The following KCNK13 variants were observed in gnomAD, a reference collection of about 807,000 sequenced individuals.
KCNK13 encodes potassium two pore domain channel subfamily K member 13, also known as potassium channel subfamily K member 13.
KCNK13 carries 12 observed loss-of-function variants against 23.4 expected under a neutral mutation model. The observed-to-expected ratio is 0.51, with a 90% CI of 0.33 to 0.83. The LOEUF is 0.83. Ranked by LOEUF, KCNK13 falls within the 40% of genes least tolerant of loss-of-function variation. KCNK13 has a pLI of 0.02. For synonymous variants in KCNK13, 231 were observed against 229.5 expected (o/e 1.01, Z -0.06); for missense variants, 463 against 556.3 (o/e 0.83, Z 1.69).
At chr14:90,163,264 A>G (rs1890269911) in intron 1 of KCNK13, among the ~76,000 whole-genome samples, 1 of 152,230 alleles carries the variant, frequency 6.6e-6, no homozygotes, top group Non-Finnish European at 1.5e-5. Flanking sequence ...GAGTCACAGA[A>G]CAATCCTTAA....
chr14:90,146,961 A>G (rs556958018), intron 1 of KCNK13, among the ~76,000 whole-genome samples: 119 of 152,110 alleles, frequency 7.8e-4, no homozygotes, highest in African/African-American at 2.7e-3. Context: ...TTATTCAGTA[A>G]CCATTAAAGG....
At chr14:90,087,139 TATATATATATATA>T (rs1349024153) in intron 1 of KCNK13, among the ~76,000 whole-genome samples, 5 of 112,986 alleles carry the variant, frequency 4.4e-5, no homozygotes, top group African/African-American at 1.8e-4. Context: ...CATATATATA[TATATATATATATA>T]TATTTTTTTT....
intron 1 of KCNK13, among the ~76,000 whole-genome samples, chr14:90,131,904 A>G (rs1158595599): frequency 6.6e-6 from 1 of 152,246 alleles, no homozygotes; most frequent in Non-Finnish European, 1.5e-5. Context: ...CAGAGTTACC[A>G]TAGGATCCAG....
At position 90,148,398 on chromosome 14, in the gene KCNK13, C is replaced by G. The variant is rs145751021; in HGVS notation, c.335-35713C>G. On this transcript the variant is annotated intron_variant, in intron 1 of 1. Transcript: ENST00000282146. ...GCCTTCAAGGGCCTTACTGGCCCAT[C>G]ATGGCCCAGAAGGGGAGAATAACCT... Among the ~76,000 whole-genome samples, 183 of 152,360 alleles carry G rather than the reference C, an allele frequency of 1.2e-3. 2 individuals are homozygous for G. In the South Asian group the frequency reaches 0.017, roughly 14 times the overall value.
chr14:90,099,356 T>C (rs1036840213), intron 1 of KCNK13, among the ~76,000 whole-genome samples: 3 of 152,138 alleles, frequency 2.0e-5, no homozygotes, highest in Non-Finnish European at 4.4e-5. Flanking sequence ...TCACCTTTAT[T>C]CAAGATACCC....
chr14:90,101,776 T>TGA (rs1386340838), intron 1 of KCNK13, among the ~76,000 whole-genome samples: 5 of 52,858 alleles, frequency 9.5e-5, no homozygotes, highest in African/African-American at 3.0e-4. Context: ...GGCAACAGAG[T>TGA]GAGACTCCGT....
intron 1 of KCNK13, among the ~76,000 whole-genome samples, chr14:90,074,657 T>G (rs562954178): frequency 6.6e-6 from 1 of 152,346 alleles, no homozygotes; most frequent in East Asian, 1.9e-4. Context: ...TTGTTGTTTC[T>G]GTATATCCTG....
intron 1 of KCNK13, among the ~76,000 whole-genome samples, chr14:90,092,169 G>A (rs932272538): frequency 5.9e-5 from 9 of 152,086 alleles, no homozygotes; most frequent in African/African-American, 1.7e-4. Flanking sequence ...TGATCTGCCC[G>A]CCTTGGCCTC....
intron 1 of KCNK13, among the ~76,000 whole-genome samples, chr14:90,076,051 G>T (rs1889130681): frequency 6.6e-6 from 1 of 152,178 alleles, no homozygotes; most frequent in Non-Finnish European, 1.5e-5. Context: ...TTTCTTCTGT[G>T]TTTTCTGTCT....
intron 1 of KCNK13, among the ~76,000 whole-genome samples, chr14:90,182,833 A>AAG (rs1259230207): frequency 1.3e-5 from 2 of 152,060 alleles, no homozygotes; most frequent in African/African-American, 2.4e-5. Flanking sequence ...TTTAAAAAAA[A>AAG]AAAAAAAGAG....
At chr14:90,082,901 G>A (rs56266889) in intron 1 of KCNK13, among the ~76,000 whole-genome samples, 20,241 of 152,028 alleles carry the variant, frequency 0.13, 1,624 homozygotes, top group South Asian at 0.26. Flanking sequence ...TATTCCCACC[G>A]ACAGTGTACA....
chr14:90,159,452 T>C (rs1332701351), intron 1 of KCNK13, among the ~76,000 whole-genome samples: 7 of 152,250 alleles, frequency 4.6e-5, no homozygotes, highest in African/African-American at 1.7e-4. Context: ...CCTGGGTCTG[T>C]CTGTTCTTGA....
At chr14:90,140,021 G>C (rs897292652) in intron 1 of KCNK13, among the ~76,000 whole-genome samples, 1 of 152,168 alleles carries the variant, frequency 6.6e-6, no homozygotes, top group African/African-American at 2.4e-5. Context: ...CCAGCAGTGA[G>C]GTCTTCGACT....
intron 1 of KCNK13, among the ~76,000 whole-genome samples, chr14:90,113,073 CCTG>C (rs1889634591): frequency 6.6e-6 from 1 of 151,908 alleles, no homozygotes; most frequent in African/African-American, 2.4e-5. Context: ...GCCACCATGC[CCTG>C]CTAATTTTTT....
chr14:90,164,251 A>G (rs902475905), intron 1 of KCNK13, among the ~76,000 whole-genome samples: 5 of 152,240 alleles, frequency 3.3e-5, no homozygotes, highest in Non-Finnish European at 5.9e-5. Flanking sequence ...GAATGGATCT[A>G]TACTGGCTTT....
chr14:90,081,958 C>T (rs1479149858), intron 1 of KCNK13, among the ~76,000 whole-genome samples: 1 of 152,272 alleles, frequency 6.6e-6, no homozygotes, highest in Non-Finnish European at 1.5e-5. Flanking sequence ...TTTTCCTTTC[C>T]ATTTCTCCAC....
chr14:90,097,722 A>T (rs530086508), intron 1 of KCNK13, among the ~76,000 whole-genome samples: 1 of 152,288 alleles, frequency 6.6e-6, no homozygotes, highest in South Asian at 2.1e-4. Context: ...ACCAGCTGCC[A>T]TTTGTGGACT....
intron 1 of KCNK13, among the ~76,000 whole-genome samples, chr14:90,170,999 T>G (rs1335081157): frequency 6.6e-6 from 1 of 152,216 alleles, no homozygotes; most frequent in Non-Finnish European, 1.5e-5. Flanking sequence ...CAGAGGCAGG[T>G]TTGCCGGACC....
intron 1 of KCNK13, among the ~76,000 whole-genome samples, chr14:90,140,730 A>C (rs1016013632): frequency 1.3e-5 from 2 of 152,148 alleles, no homozygotes; most frequent in African/African-American, 4.8e-5. Context: ...ACTGCGGATA[A>C]ATGTGCCTGT....
Sources: gnomAD v4.1 joint callset for allele counts (sites outside exome capture counted in the v4.1 genomes callset) on GRCh38, gnomAD v4.1.1 for gene constraint, MANE v1.5 for transcripts, NCBI Gene and HGNC (gene_info 2026-07-23, HGNC 2026-07-21) for gene names.